Variants in DIAPH2 observed in about 807,000 individuals in gnomAD.
DIAPH2 encodes the protein protein diaphanous homolog 2.
A neutral mutation model predicts 92.7 loss-of-function variants in DIAPH2; 35 were observed. The observed-to-expected ratio is 0.38, with a 90% CI of 0.29 to 0.50. The LOEUF is 0.50. Among genes scored for constraint, DIAPH2 ranks in the 20% least tolerant of loss-of-function variants. DIAPH2 has a pLI of 0.94. For missense variants in DIAPH2, 701 were observed against 819.5 expected (o/e 0.86, Z 1.77); for synonymous variants, 301 against 280.4 (o/e 1.07, Z -0.73).
intron 5 of DIAPH2, among the ~76,000 whole-genome samples, chrX:96,895,454 G>A (rs1170174330): frequency 1.8e-5 from 2 of 111,825 alleles, no homozygotes; most frequent in Non-Finnish European, 3.8e-5. Context: ...GCATGATATT[G>A]GGCTTATTAA....
At chrX:97,009,215 C>T (rs2066207159) in intron 17 of DIAPH2, among the ~76,000 whole-genome samples, 2 of 111,141 alleles carry the variant, frequency 1.8e-5, no homozygotes, top group African/African-American at 6.5e-5. Context: ...CCACCCCAGG[C>T]CTGCAGCAAA....
intron 4 of DIAPH2, among the ~76,000 whole-genome samples, chrX:96,807,414 G>A (rs1180890115): frequency 8.9e-6 from 1 of 111,944 alleles, no homozygotes; most frequent in Non-Finnish European, 1.9e-5. Context: ...GAAACATGAG[G>A]TGAAGACTTT....
chrX:97,227,355 C>A (rs774837346), intron 22 of DIAPH2, among the ~76,000 whole-genome samples: 97 of 111,597 alleles, frequency 8.7e-4, no homozygotes, highest in Non-Finnish European at 7.5e-4. Context: ...CTATTCTATT[C>A]ATTTATTATT....
intron 21 of DIAPH2, among the ~76,000 whole-genome samples, chrX:97,129,130 T>TCTTTCCTTTC (rs1569308133): frequency 2.0e-4 from 18 of 91,694 alleles, no homozygotes; most frequent in African/African-American, 5.7e-4. Context: ...TCTTTTCTTT[T>TCTTTCCTTTC]CTTTTCTTTT....
Position 96,741,352 on chromosome X carries a change from T to C in DIAPH2, c.342+2590T>C, listed in dbSNP as rs1173796174. ...GCTTCCAGTTTTAATCCTCTCACTT[T>C]CTCTTCTAAACTCACTCCAACCAGG... On this transcript the variant is annotated intron_variant, in intron 3 of 26. Transcript: ENST00000324765. Among the ~76,000 whole-genome samples, 3 of 109,020 alleles carry C rather than the reference T, an allele frequency of 2.8e-5. No homozygotes were observed. In the East Asian group the frequency reaches 8.6e-4, roughly 31 times the overall value. 94.7% of individuals were successfully genotyped at this position (109,020 alleles called of 115,157 possible). A position where few individuals can be genotyped will look rare whatever the true frequency, so the allele number is the denominator to read the frequency against.
intron 4 of DIAPH2, among the ~76,000 whole-genome samples, chrX:96,837,539 C>T (rs1252021489): frequency 9.3e-6 from 1 of 107,315 alleles, no homozygotes; most frequent in Non-Finnish European, 1.9e-5. Flanking sequence ...TTTGTTTGAT[C>T]AAAAAAAGCA....
At chrX:96,768,771 G>C (rs1473437740) in intron 4 of DIAPH2, among the ~76,000 whole-genome samples, 1 of 111,322 alleles carries the variant, frequency 9.0e-6, no homozygotes, top group Non-Finnish European at 1.9e-5. Context: ...CATGGAGTGG[G>C]GTGAACAAGG....
Position 96,918,527 on chromosome X carries a change from G to A in DIAPH2, c.888G>A (p.Gly296=). The part of the protein sequence containing the change: ...GEENILDKLL[G]AITTAAERNN... ...TCTACAGTCTAGATAAACTTTTAGG[G>A]GCTATAACAACAGCAGCAGAAAGAA... is the stretch of plus-strand genomic sequence containing the variant. The change falls in exon 9 of 27, where the codon GGG becomes GGA. Residue 296 remains glycine, a synonymous_variant. Coordinates refer to ENST00000324765, the MANE Select transcript of DIAPH2 (RefSeq NM_006729.5). 8.3e-7 allele frequency: 1 copy of A among 1,200,105 alleles called. No individual in the cohort carries two copies. The highest frequency in any genetic ancestry group is 1.1e-6 in the Non-Finnish European group (1 of 888,099).
At position 96,775,435 on chromosome X, in the gene DIAPH2, T is replaced by C. The variant is rs548211841; in HGVS notation, c.447+17177T>C. On this transcript the variant is annotated intron_variant, in intron 4 of 26. Coordinates refer to ENST00000324765, the MANE Select transcript of DIAPH2 (RefSeq NM_006729.5). ...GTGGTGCCTCTTCTATTGATGGTGA[T>C]TGTTATTTTTTTGTTATACAGATGT... 6.6e-5 allele frequency among the ~76,000 whole-genome samples: 7 copies of C among 106,446 alleles called. No individual in the cohort carries two copies. In the South Asian group the frequency reaches 1.7e-3, roughly 26 times the overall value. 92.4% of individuals were successfully genotyped at this position (106,446 alleles called of 115,157 possible).
chrX:96,693,773 G>A (rs1327308081), intron 1 of DIAPH2, among the ~76,000 whole-genome samples: 1 of 112,794 alleles, frequency 8.9e-6, no homozygotes, highest in Non-Finnish European at 1.9e-5. Context: ...GGTGGCTCAC[G>A]CCTGTAGTCC....
intron 1 of DIAPH2, among the ~76,000 whole-genome samples, chrX:96,701,961 T>A (rs770447499): frequency 8.9e-6 from 1 of 111,901 alleles, no homozygotes; most frequent in Non-Finnish European, 1.9e-5. Context: ...TCAGAGAGGT[T>A]AATTGATTCT....
chrX:97,063,856 G>A (rs941119509), intron 17 of DIAPH2, among the ~76,000 whole-genome samples: 2 of 112,102 alleles, frequency 1.8e-5, no homozygotes, highest in African/African-American at 6.5e-5. Context: ...TGGTCTGCAG[G>A]CCAAATCTAG....
At chrX:97,450,474 G>A (rs1454693465) in intron 26 of DIAPH2, among the ~76,000 whole-genome samples, 1 of 111,415 alleles carries the variant, frequency 9.0e-6, no homozygotes, top group African/African-American at 3.3e-5. Flanking sequence ...AATCTGACAT[G>A]GTAAAAGGAG....
At chrX:97,047,542 C>CTTTTTTTTTTT (rs5903064) in intron 17 of DIAPH2, among the ~76,000 whole-genome samples, 15 of 30,109 alleles carry the variant, frequency 5.0e-4, no homozygotes, top group African/African-American at 2.3e-3. Flanking sequence ...ATAAAATAGG[C>CTTTTTTTTTTT]TTTTTTTTTT....
At chrX:97,062,448 G>A (rs1297196322) in intron 17 of DIAPH2, among the ~76,000 whole-genome samples, 2 of 111,438 alleles carry the variant, frequency 1.8e-5, no homozygotes, top group African/African-American at 3.3e-5. Context: ...AGAGATTTCA[G>A]CATGCTAATT....
intron 9 of DIAPH2, among the ~76,000 whole-genome samples, chrX:96,921,599 T>C (rs2065543870): frequency 9.0e-6 from 1 of 111,394 alleles, no homozygotes; most frequent in African/African-American, 3.3e-5. Flanking sequence ...CTCTTTCCAA[T>C]CTTGATCACT....
intron 5 of DIAPH2, among the ~76,000 whole-genome samples, chrX:96,903,789 T>A (rs1420005453): frequency 8.9e-6 from 1 of 112,032 alleles, no homozygotes; most frequent in Non-Finnish European, 1.9e-5. Context: ...TATTCTTGAT[T>A]GTTAGCCTGT....
At chrX:96,781,069 A>G (rs769676925) in intron 4 of DIAPH2, among the ~76,000 whole-genome samples, 17 of 111,157 alleles carry the variant, frequency 1.5e-4, no homozygotes, top group Non-Finnish European at 3.0e-4. Flanking sequence ...TGGCCTCCCA[A>G]AGTGCTGGGA....
chrX:96,689,244 G>A (rs2063786950), intron 1 of DIAPH2, among the ~76,000 whole-genome samples: 1 of 101,501 alleles, frequency 9.9e-6, no homozygotes, highest in African/African-American at 3.6e-5. Flanking sequence ...GAAAAGAGAC[G>A]GGGTCCGGAT....
Sources: gnomAD v4.1 joint callset for allele counts (sites outside exome capture counted in the v4.1 genomes callset) on GRCh38, gnomAD v4.1.1 for gene constraint, MANE v1.5 for transcripts, NCBI Gene and HGNC (gene_info 2026-07-23, HGNC 2026-07-21) for gene names.